The following MBNL1 variants were observed in gnomAD, a reference collection of about 807,000 sequenced individuals.
MBNL1 encodes muscleblind like splicing regulator 1, also known as muscleblind-like protein 1.
In MBNL1, 8 loss-of-function variants were observed where a neutral mutation model predicts 42.2. The observed-to-expected ratio is 0.19, with a 90% CI of 0.11 to 0.34. The LOEUF is 0.34. MBNL1 is among the 10% of genes least tolerant of loss of function. MBNL1 has a pLI of 1.00. For synonymous variants in MBNL1, 169 were observed against 173.9 expected, an observed-to-expected ratio of 0.97 and a Z score of 0.22; for missense variants, 309 against 495.3, an observed-to-expected ratio of 0.62 and a Z score of 3.57.
At chr3:152,402,646 TAA>T (rs80063960) in intron 2 of MBNL1, among the ~76,000 whole-genome samples, 25,561 of 152,026 alleles carry the variant, frequency 0.17, 2,356 homozygotes, top group East Asian at 0.26. Flanking sequence ...TGTACTTGGA[TAA>T]CAGTAGTAAG....
chr3:152,285,629 A>AT (rs35445762), intron 1 of MBNL1, among the ~76,000 whole-genome samples: 47,084 of 128,950 alleles, frequency 0.37, 9,302 homozygotes, highest in East Asian at 0.54. Flanking sequence ...TTTTTTTTCA[A>AT]TTTTTTTTTT....
intron 9 of MBNL1, among the ~76,000 whole-genome samples, chr3:152,461,782 T>C (rs59863650): frequency 0.016 from 2,422 of 152,342 alleles, 55 homozygotes; most frequent in African/African-American, 0.055. Context: ...AAGTACATTG[T>C]AATGTCTATT....
chr3:152,363,760 C>T (rs1393325509), intron 2 of MBNL1, among the ~76,000 whole-genome samples: 3 of 152,040 alleles, frequency 2.0e-5, no homozygotes, highest in African/African-American at 4.8e-5. Context: ...ACGGGTCACA[C>T]AGTCTGTTCC....
chr3:152,322,405 T>G (rs1361222746), intron 2 of MBNL1, among the ~76,000 whole-genome samples: 1 of 152,086 alleles, frequency 6.6e-6, no homozygotes, highest in Non-Finnish European at 1.5e-5. Flanking sequence ...AGTTGTAAAT[T>G]AGGTCATGCA....
At chr3:152,289,300 A>G (rs573249969) in intron 1 of MBNL1, among the ~76,000 whole-genome samples, 1 of 152,222 alleles carries the variant, frequency 6.6e-6, no homozygotes, top group Non-Finnish European at 1.5e-5. Context: ...AATTATATTG[A>G]TCTGTTTCTA....
At chr3:152,247,000 G>T (rs2033206382) in intron 2 of MBNL1, among the ~76,000 whole-genome samples, 1 of 152,052 alleles carries the variant, frequency 6.6e-6, no homozygotes, top group African/African-American at 2.4e-5. Flanking sequence ...TTACATTTAG[G>T]AATAACAGTG....
chr3:152,288,329 G>A (rs955866437), intron 1 of MBNL1, among the ~76,000 whole-genome samples: 1 of 152,158 alleles, frequency 6.6e-6, no homozygotes, highest in Admixed American at 6.5e-5. Flanking sequence ...AGTGCATGCT[G>A]CTTCAGGGAG....
intron 2 of MBNL1, chr3:152,301,790 G>A (rs1338963080): frequency 2.0e-5 from 3 of 152,102 alleles, no homozygotes; most frequent in Non-Finnish European, 4.4e-5. Context: ...CTGAATTCAG[G>A]TGTAATTAGA....
At chr3:152,431,980 G>A (rs1479886085) in intron 3 of MBNL1, among the ~76,000 whole-genome samples, 2 of 152,212 alleles carry the variant, frequency 1.3e-5, no homozygotes, top group Non-Finnish European at 2.9e-5. Context: ...ATTCAGTGCT[G>A]CCATATGTAT....
chr3:152,415,112 G>T lies in MBNL1; in HGVS notation c.345+1G>T, dbSNP rs1473416014. The stretch of plus-strand genomic sequence containing the variant: ...GCCTGGTGCCCCATTACAACCCGTG[G>T]TAAGCATGTTTTCAGTCTTCACTCA... On this transcript the variant is annotated splice_donor_variant, in intron 3 of 9. Coordinates refer to ENST00000324210, the MANE Select transcript of MBNL1 (RefSeq NM_021038.5). LOFTEE classifies it high-confidence loss of function. 6.4e-7 allele frequency: 1 copy of T among 1,572,658 alleles called. No individual in the cohort carries two copies. Among genetic ancestry groups the T allele is most frequent in the Non-Finnish European group, 8.6e-7 (1 of 1,162,516 alleles).
chr3:152,393,496 G>T (rs910999815), intron 2 of MBNL1, among the ~76,000 whole-genome samples: 3 of 152,166 alleles, frequency 2.0e-5, no homozygotes, highest in Non-Finnish European at 4.4e-5. Flanking sequence ...GAAAGCCATT[G>T]ACTTACCTTC....
At chr3:152,276,785 G>A (rs1000562236) in intron 1 of MBNL1, among the ~76,000 whole-genome samples, 2 of 152,142 alleles carry the variant, frequency 1.3e-5, no homozygotes, top group African/African-American at 4.8e-5. Flanking sequence ...TTGGTGTTTA[G>A]GGTAGTAACC....
intron 2 of MBNL1, among the ~76,000 whole-genome samples, chr3:152,332,406 A>G (rs1395334509): frequency 6.6e-6 from 1 of 152,180 alleles, no homozygotes; most frequent in Non-Finnish European, 1.5e-5. Context: ...TGGGTGCAAT[A>G]TATAACATGA....
intron 3 of MBNL1, among the ~76,000 whole-genome samples, chr3:152,427,403 T>A (rs1225222405): frequency 6.6e-6 from 1 of 152,150 alleles, no homozygotes; most frequent in African/African-American, 2.4e-5. Flanking sequence ...ACCCTTTTTT[T>A]AAAGATAGAG....
intron 1 of MBNL1, among the ~76,000 whole-genome samples, chr3:152,270,036 C>T (rs1232097575): frequency 6.6e-6 from 1 of 151,806 alleles, no homozygotes; most frequent in Non-Finnish European, 1.5e-5. Context: ...TATGCCTTCC[C>T]CTCGCACAGC....
Position 152,423,456 on chromosome 3 carries a change from GA to G in MBNL1, c.345+8350del, listed in dbSNP as rs1370105827. 2.0e-5 allele frequency among the ~76,000 whole-genome samples: 3 copies of G among 152,042 alleles called. No homozygotes were observed. The East Asian group carries it at 5.8e-4, about 29-fold the overall frequency. On this transcript the variant is annotated intron_variant, in intron 3 of 9. Coordinates refer to ENST00000324210, the MANE Select transcript of MBNL1 (RefSeq NM_021038.5). ...AGTAATTATAATAGCCTATCAACCA[GA>G]AAAAGCCCAGGACCAGACGGATTCA...
In MBNL1 at chr3:152,384,277, G is replaced by C. The variant is rs1579195548; in HGVS notation, c.175-30664G>C. On this transcript the variant is annotated intron_variant, in intron 2 of 9. Transcript: ENST00000324210. Reference sequence around the variant, plus strand: ...CGATTGGAGTAGCCACCAATAGTTAGGCTTTTTATCCATGTTATCAGGGCA... The same window carrying C: ...CGATTGGAGTAGCCACCAATAGTTACGCTTTTTATCCATGTTATCAGGGCA... Among the ~76,000 whole-genome samples the C allele has an allele frequency of 2.0e-5, 3 of 152,004 alleles. No individual in the cohort carries two copies. The East Asian group carries it at 5.8e-4, about 29-fold the overall frequency.
rs567771860 is a variant in MBNL1 at position 152,313,312 on chromosome 3, C to T, written c.174+12945C>T. The stretch of plus-strand genomic sequence containing the variant: ...TGCTGGGATTACAGGTGTGAGCCAC[C>T]GCGCCCGGCCAACATTTTATTTTTT... On this transcript the variant is annotated intron_variant, in intron 2 of 9. Coordinates refer to ENST00000324210, the MANE Select transcript of MBNL1 (RefSeq NM_021038.5). Among the ~76,000 whole-genome samples, 19 of 152,220 alleles carry T rather than the reference C, an allele frequency of 1.2e-4. No homozygotes were observed. In the South Asian group the frequency reaches 3.1e-3, roughly 25 times the overall value.
At position 152,332,725 on chromosome 3, in the gene MBNL1, TGTGTGTGTGTGTGTGC is replaced by T. The variant is rs1195271211; in HGVS notation, c.174+32360_174+32375del. On this transcript the variant is annotated intron_variant, in intron 2 of 9. Coordinates refer to ENST00000324210, the MANE Select transcript of MBNL1 (RefSeq NM_021038.5). ...GTGTGTGTGTGTGTGTGTGTGTGTG[TGTGTGTGTGTGTGTGC>T]GCGCGCGCATGCGCACACACTAGTT... 1.2e-3 allele frequency among the ~76,000 whole-genome samples: 153 copies of T among 130,576 alleles called. 1 individual carries two copies. Among genetic ancestry groups the T allele is most frequent in the Non-Finnish European group, 1.4e-3 (84 of 60,606 alleles). 85.7% of individuals were successfully genotyped at this position (130,576 alleles called of 152,430 possible).
Sources: allele counts gnomAD v4.1 joint callset (sites outside exome capture counted in the v4.1 genomes callset), GRCh38; gene constraint gnomAD v4.1.1; transcripts MANE v1.5; gene names NCBI Gene and HGNC (gene_info 2026-07-23, HGNC 2026-07-21).